CNBD1: variants seen among roughly 807,000 people sequenced by gnomAD.
CNBD1 encodes cyclic nucleotide binding domain containing 1.
In CNBD1, 71 loss-of-function variants were observed where a neutral mutation model predicts 54.4. That is an observed-to-expected ratio of 1.30 (90% CI 1.08 to 1.59). CNBD1 has a LOEUF of 1.59. CNBD1 is among the 40% of genes most tolerant of loss of function. CNBD1 has a pLI of 0.00. For synonymous variants in CNBD1, 182 were observed against 170.7 expected (o/e 1.07, Z -0.51); for missense variants, 659 against 518.0 (o/e 1.27, Z -2.64).
At position 86,965,594 on chromosome 8, in the gene CNBD1, C is replaced by T. The variant is rs138407662; in HGVS notation, c.431+25840C>T. Among the ~76,000 whole-genome samples, 26 of 152,240 alleles carry T rather than the reference C, an allele frequency of 1.7e-4. No homozygotes were observed. In the East Asian group the frequency reaches 4.8e-3, roughly 28 times the overall value. On this transcript the variant is annotated intron_variant, in intron 4 of 10. Coordinates refer to ENST00000518476, the MANE Select transcript of CNBD1 (RefSeq NM_173538.3). ...GTTTAGAGACTCCAAAAAAAAAGGACAGAAAGCAAATTCACTTTTACTCAC... is the reference window on the plus strand; with the variant it reads ...GTTTAGAGACTCCAAAAAAAAAGGATAGAAAGCAAATTCACTTTTACTCAC...
chr8:87,343,956 C>T (rs762665309), intron 8 of CNBD1, among the ~76,000 whole-genome samples: 1 of 151,878 alleles, frequency 6.6e-6, no homozygotes, highest in Non-Finnish European at 1.5e-5. Context: ...TTATAAATTA[C>T]TTCCTATAAA....
intron 4 of CNBD1, among the ~76,000 whole-genome samples, chr8:87,140,303 G>A (rs748519498): frequency 1.3e-5 from 2 of 152,022 alleles, no homozygotes; most frequent in Non-Finnish European, 2.9e-5. Flanking sequence ...AAAATGTTAT[G>A]TATTCGATCA....
At chr8:87,246,711 C>T (rs1807813326) in intron 6 of CNBD1, among the ~76,000 whole-genome samples, 1 of 152,062 alleles carries the variant, frequency 6.6e-6, no homozygotes, top group South Asian at 2.1e-4. Flanking sequence ...TAGCACTCTT[C>T]CAGGCATGGG....
At chr8:87,397,265 A>G (rs1811426618) in intron 2 of CNBD1, among the ~76,000 whole-genome samples, 1 of 151,932 alleles carries the variant, frequency 6.6e-6, no homozygotes, top group African/African-American at 2.4e-5. Context: ...AGGAGAAAGG[A>G]ACAGCCTCCC....
intron 4 of CNBD1, among the ~76,000 whole-genome samples, chr8:87,070,409 T>C (rs1810736788): frequency 6.6e-6 from 1 of 152,098 alleles, no homozygotes; most frequent in Non-Finnish European, 1.5e-5. Context: ...ACACGGATTG[T>C]TAATTACAGA....
intron 10 of CNBD1, among the ~76,000 whole-genome samples, chr8:87,363,705 G>T (rs1439808583): frequency 6.6e-6 from 1 of 151,858 alleles, no homozygotes; most frequent in Non-Finnish European, 1.5e-5. Context: ...GGGGTTGTTT[G>T]TTTTTTTCTT....
chr8:87,226,862 T>C (rs1460083578), intron 5 of CNBD1, among the ~76,000 whole-genome samples: 3 of 151,278 alleles, frequency 2.0e-5, no homozygotes, highest in East Asian at 3.9e-4. Flanking sequence ...CCATTATTAA[T>C]GTGTGGGAAT....
At chr8:86,918,567 T>G (rs1208770263) in intron 3 of CNBD1, among the ~76,000 whole-genome samples, 1 of 151,870 alleles carries the variant, frequency 6.6e-6, no homozygotes, top group Non-Finnish European at 1.5e-5. Context: ...AATGAATAAG[T>G]CTCATGAGAT....
chr8:86,903,466 G>A (rs1357043311), intron 2 of CNBD1, among the ~76,000 whole-genome samples: 1 of 152,030 alleles, frequency 6.6e-6, no homozygotes, highest in African/African-American at 2.4e-5. Flanking sequence ...AACAAAATGG[G>A]TAGGAGTATC....
chr8:86,974,056 G>A (rs1376554182), intron 4 of CNBD1, among the ~76,000 whole-genome samples: 1 of 151,964 alleles, frequency 6.6e-6, no homozygotes, highest in Non-Finnish European at 1.5e-5. Context: ...GTTACTAAGA[G>A]GATGGGGAAT....
chr8:87,153,431 A>G (rs1812647666), intron 4 of CNBD1, among the ~76,000 whole-genome samples: 1 of 152,198 alleles, frequency 6.6e-6, no homozygotes, highest in South Asian at 2.1e-4. Context: ...AGAGAAAGAC[A>G]ACAGCATAAC....
At chr8:87,010,369 C>T (rs1809191192) in intron 4 of CNBD1, among the ~76,000 whole-genome samples, 1 of 152,052 alleles carries the variant, frequency 6.6e-6, no homozygotes, top group South Asian at 2.1e-4. Context: ...TGTTTTATAT[C>T]TAATATGTGG....
chr8:86,930,894 G>A (rs1047936704), intron 3 of CNBD1, among the ~76,000 whole-genome samples: 2 of 152,010 alleles, frequency 1.3e-5, no homozygotes, highest in Non-Finnish European at 2.9e-5. Context: ...AAAGCGGTGG[G>A]GTCTTTTAGT....
intron 4 of CNBD1, among the ~76,000 whole-genome samples, chr8:87,009,148 A>G (rs766896717): frequency 2.0e-5 from 3 of 152,000 alleles, no homozygotes; most frequent in African/African-American, 4.8e-5. Context: ...ACTAGAGTCT[A>G]TGATAAATTA....
intron 4 of CNBD1, among the ~76,000 whole-genome samples, chr8:86,959,436 A>C (rs918415974): frequency 7.9e-5 from 12 of 152,170 alleles, no homozygotes; most frequent in South Asian, 2.1e-4. Context: ...TAATATCCTG[A>C]AGAGTGTTTT....
chr8:87,087,252 TATATATATAC>T (rs1324287856), intron 4 of CNBD1, among the ~76,000 whole-genome samples: 2 of 141,650 alleles, frequency 1.4e-5, no homozygotes, highest in African/African-American at 5.5e-5. Context: ...TATACGTATA[TATATATATAC>T]ATATATATAT....
At chr8:86,963,697 G>A (rs1432394407) in intron 4 of CNBD1, among the ~76,000 whole-genome samples, 1 of 152,182 alleles carries the variant, frequency 6.6e-6, no homozygotes, top group Non-Finnish European at 1.5e-5. Context: ...CATGCTAAGA[G>A]AGGAGGCGGA....
chr8:87,394,237 C>T (rs1238531682), intron 2 of CNBD1, among the ~76,000 whole-genome samples: 2 of 151,806 alleles, frequency 1.3e-5, no homozygotes, highest in African/African-American at 2.4e-5. Context: ...AAGAAGACTC[C>T]TAACAATGCA....
chr8:87,417,880 A>G (rs1232037410), intron 2 of CNBD1, among the ~76,000 whole-genome samples: 2 of 147,040 alleles, frequency 1.4e-5, no homozygotes, highest in African/African-American at 2.7e-5. Flanking sequence ...ATGGAAAGCT[A>G]CAGAATATTA....
Sources: allele counts gnomAD v4.1 joint callset (sites outside exome capture counted in the v4.1 genomes callset), GRCh38; gene constraint gnomAD v4.1.1; transcripts MANE v1.5; gene names NCBI Gene and HGNC (gene_info 2026-07-23, HGNC 2026-07-21).